UBE2H: variants seen among roughly 807,000 people sequenced by gnomAD.
The protein encoded by UBE2H is ubiquitin conjugating enzyme E2 H.
In UBE2H, 3 loss-of-function variants were observed where a neutral mutation model predicts 29.0. That is an observed-to-expected ratio of 0.10 (90% confidence interval 0.05 to 0.27). The LOEUF (loss-of-function observed/expected upper bound fraction) is 0.27, where lower values mean the gene tolerates loss of function less well. Among genes scored for constraint, UBE2H ranks in the 10% least tolerant of loss-of-function variants. The probability of loss-of-function intolerance (pLI) is 1.00; values close to 1 mark genes in which losing one functional copy is unlikely to be tolerated. For synonymous variants in UBE2H, 69 were observed against 82.9 expected, an observed-to-expected ratio of 0.83 and a Z score of 0.91; for missense variants, 68 against 228.2, an observed-to-expected ratio of 0.30 and a Z score of 4.52.
At chr7:129,905,515 A>C (rs1806797742) in intron 1 of UBE2H, among the ~76,000 whole-genome samples, 1 of 152,174 alleles carries the variant, frequency 6.6e-6, no homozygotes, top group Non-Finnish European at 1.5e-5. Context: ...GGTTCATCTG[A>C]TGCCATGGAA....
At chr7:129,864,194 C>G (rs1245667700) in intron 3 of UBE2H, among the ~76,000 whole-genome samples, 2 of 152,202 alleles carry the variant, frequency 1.3e-5, no homozygotes, top group Admixed American at 6.5e-5. Flanking sequence ...GTGTTTCTGG[C>G]AAAGCCATTT....
chr7:129,906,607 G>A (rs1806823004), intron 1 of UBE2H, among the ~76,000 whole-genome samples: 1 of 152,122 alleles, frequency 6.6e-6, no homozygotes, highest in Non-Finnish European at 1.5e-5. Context: ...ATCATTTAAT[G>A]TCTGCTTTCA....
chr7:129,945,452 T>G (rs1807743256), intron 1 of UBE2H, among the ~76,000 whole-genome samples: 1 of 152,286 alleles, frequency 6.6e-6, no homozygotes, highest in East Asian at 1.9e-4. Flanking sequence ...ATGAGGAAAT[T>G]AGAATTCATC....
intron 1 of UBE2H, among the ~76,000 whole-genome samples, chr7:129,945,594 C>A (rs575725517): frequency 6.6e-6 from 1 of 152,276 alleles, no homozygotes; most frequent in South Asian, 2.1e-4. Flanking sequence ...TGTTTACCTT[C>A]TTTGATCTAG....
chr7:129,942,139 G>T (rs531671785), intron 1 of UBE2H, among the ~76,000 whole-genome samples: 1 of 144,650 alleles, frequency 6.9e-6, no homozygotes, highest in East Asian at 2.1e-4. Flanking sequence ...TCAGAATCCG[G>T]AAGTTCGAGG....
chr7:129,910,813 C>T (rs544360905), intron 1 of UBE2H, among the ~76,000 whole-genome samples: 6 of 152,016 alleles, frequency 3.9e-5, no homozygotes, highest in East Asian at 1.9e-4. Context: ...ACCCGGGAAG[C>T]GGAGGTTGCA....
chr7:129,872,988 C>T (rs1757114896), intron 3 of UBE2H, among the ~76,000 whole-genome samples: 1 of 151,450 alleles, frequency 6.6e-6, no homozygotes, highest in South Asian at 2.1e-4. Flanking sequence ...GATAGTTTGA[C>T]CCAATTTTAA....
intron 1 of UBE2H, among the ~76,000 whole-genome samples, chr7:129,889,328 A>C (rs1806427310): frequency 6.6e-6 from 1 of 152,244 alleles, no homozygotes; most frequent in Non-Finnish European, 1.5e-5. Flanking sequence ...ATCATGGGAC[A>C]TTAAACAGAG....
At chr7:129,902,162 A>C (rs971388493) in intron 1 of UBE2H, among the ~76,000 whole-genome samples, 2 of 152,234 alleles carry the variant, frequency 1.3e-5, no homozygotes, top group Admixed American at 6.5e-5. Context: ...TTTAGATCTT[A>C]GTAATCTAAG....
intron 3 of UBE2H, among the ~76,000 whole-genome samples, chr7:129,871,450 C>G (rs1806028062): frequency 1.3e-5 from 2 of 152,202 alleles, no homozygotes. Context: ...CACGTTGGCT[C>G]ACGCCTGTAA....
chr7:129,928,025 T>TTA, intron 1 of UBE2H, among the ~76,000 whole-genome samples: 1 of 128,520 alleles, frequency 7.8e-6, no homozygotes, highest in Non-Finnish European at 1.6e-5. Flanking sequence ...ATCTCAAAAT[T>TTA]AAAAAAAAAA....
Position 129,942,604 on chromosome 7 carries a change from T to C in UBE2H, c.53+9899A>G, listed in dbSNP as rs2116520432. On this transcript the variant is annotated intron_variant, in intron 1 of 6. Transcript: ENST00000355621. ...GTTCCTTTCACCTGAGTTTATTCCA[T>C]GTGAAAATTGAAGATATTATTCAGA... is the stretch of plus-strand genomic sequence containing the variant. 3.9e-5 allele frequency among the ~76,000 whole-genome samples: 6 copies of C among 152,316 alleles called. 1 individual carries two copies. In the East Asian group the frequency reaches 1.2e-3, roughly 29 times the overall value.
Position 129,834,853 on chromosome 7 carries a change from T to A in UBE2H, c.*84A>T. 6.6e-7 allele frequency: 1 copy of A among 1,526,626 alleles called. No homozygotes were observed. The highest frequency in any genetic ancestry group is 1.3e-5 in the South Asian group (1 of 79,876). 94.6% of individuals were successfully genotyped at this position (1,526,626 alleles called of 1,614,324 possible). On this transcript the variant is annotated 3_prime_UTR_variant, in exon 7 of 7. Coordinates refer to ENST00000355621, the MANE Select transcript of UBE2H (RefSeq NM_003344.4). ...AAACCTTGTTTAGTAATAAAAAAAA[T>A]TGCTTTGTTTAAATATGAATATTAT...
intron 1 of UBE2H, among the ~76,000 whole-genome samples, chr7:129,927,232 A>G (rs1245411207): frequency 1.3e-5 from 2 of 152,242 alleles, no homozygotes; most frequent in African/African-American, 2.4e-5. Context: ...TAAGAAACCT[A>G]TTAGAAATTT....
At position 129,835,077 on chromosome 7, in the gene UBE2H, G is replaced by T; in HGVS notation, c.428-16C>A. 1.9e-6 allele frequency: 3 copies of T among 1,613,878 alleles called. No individual in the cohort carries two copies. Among genetic ancestry groups the T allele is most frequent in the Non-Finnish European group, 1.7e-6 (2 of 1,179,966 alleles). On this transcript the variant is annotated splice_polypyrimidine_tract_variant and intron_variant, in intron 6 of 6. Transcript: ENST00000355621. ...TGGATGTACTCTGCACGGGGTGGGAGAAAGACAACAAGGGCAGTGAGTGGG... is the reference window on the plus strand; with the variant it reads ...TGGATGTACTCTGCACGGGGTGGGATAAAGACAACAAGGGCAGTGAGTGGG...
At chr7:129,901,555 T>A (rs1050427936) in intron 1 of UBE2H, among the ~76,000 whole-genome samples, 3 of 152,142 alleles carry the variant, frequency 2.0e-5, no homozygotes, top group Admixed American at 6.6e-5. Flanking sequence ...TAACTGTATA[T>A]GAGGGAGAAG....
chr7:129,889,271 G>A (rs535778749), intron 1 of UBE2H, among the ~76,000 whole-genome samples: 2 of 152,320 alleles, frequency 1.3e-5, no homozygotes, highest in African/African-American at 4.8e-5. Context: ...AAGCAAAAGA[G>A]TAGGAAAGAA....
At chr7:129,883,139 G>A (rs1480253634) in intron 1 of UBE2H, among the ~76,000 whole-genome samples, 1 of 152,194 alleles carries the variant, frequency 6.6e-6, no homozygotes, top group Non-Finnish European at 1.5e-5. Context: ...CAACGAAAGA[G>A]CTGGATAAAA....
chr7:129,841,336 T>A (rs1805426101), intron 5 of UBE2H, among the ~76,000 whole-genome samples: 1 of 152,170 alleles, frequency 6.6e-6, no homozygotes, highest in African/African-American at 2.4e-5. Context: ...ATCTTACCTA[T>A]AAGAGGTGGC....
Sources: gnomAD v4.1 joint callset for allele counts (sites outside exome capture counted in the v4.1 genomes callset) on GRCh38, gnomAD v4.1.1 for gene constraint, MANE v1.5 for transcripts, NCBI Gene and HGNC (gene_info 2026-07-23, HGNC 2026-07-21) for gene names.